The following CIBAR1 variants were observed in gnomAD, a reference collection of about 807,000 sequenced individuals.
CIBAR1 encodes the protein CBY1 interacting BAR domain containing 1, also known as CBY1-interacting BAR domain-containing protein 1.
Under a neutral mutation model 44.0 loss-of-function variants are expected in CIBAR1, and 25 were observed. The ratio of observed to expected loss-of-function variants is 0.57; its 90% CI spans 0.41 to 0.79. The LOEUF (loss-of-function observed/expected upper bound fraction) is 0.79. Ranked by LOEUF, CIBAR1 falls within the 30% of genes least tolerant of loss-of-function variation. The probability of loss-of-function intolerance (pLI) is 0.00; values close to 1 mark genes in which losing one functional copy is unlikely to be tolerated. For synonymous variants in CIBAR1, 115 were observed against 119.0 expected (o/e 0.97, Z 0.22); for missense variants, 278 against 344.8 (o/e 0.81, Z 1.53).
At chr8:93,702,871 A>G (rs1409721409) in intron 2 of CIBAR1, among the ~76,000 whole-genome samples, 1 of 152,098 alleles carries the variant, frequency 6.6e-6, no homozygotes, top group East Asian at 1.9e-4. Context: ...TACATCACCT[A>G]TCTTGAGAAA....
chr8:93,726,600 A>T, intron 8 of CIBAR1, 87 bp downstream of exon 8: 1 of 1,498,576 alleles, frequency 6.7e-7, no homozygotes, highest in South Asian at 1.2e-5. Flanking sequence ...CAGTCATATC[A>T]CCTCGGTAAC....
chr8:93,700,620 C>T lies in CIBAR1; in HGVS notation c.-28C>T. 4 of 1,483,338 alleles carry T rather than the reference C, an allele frequency of 2.7e-6. No homozygotes were observed. The highest frequency in any genetic ancestry group is 3.6e-6 in the Non-Finnish European group (4 of 1,116,674). The allele number at this position is 1,483,338 out of a possible 1,614,324, so 91.9% of individuals were successfully genotyped here. On this transcript the variant is annotated 5_prime_UTR_variant, in exon 1 of 9. Transcript: ENST00000518322. ...TGGAATCCCCGTCCTTGGGCCCCCG[C>T]AAGGTCCCCGGCCGTGCGCGAGGCA... is the stretch of plus-strand genomic sequence containing the variant.
chr8:93,720,912 AAAT>A (rs1374094306), intron 7 of CIBAR1: 3 of 152,170 alleles, frequency 2.0e-5, no homozygotes, highest in African/African-American at 7.2e-5. Flanking sequence ...GTCATTTATA[AAAT>A]AATAAAATAG....
intron 7 of CIBAR1, chr8:93,720,228 C>G (rs1034702296): frequency 1.3e-5 from 2 of 152,100 alleles, no homozygotes; most frequent in Non-Finnish European, 2.9e-5. Context: ...ATAATCCGCC[C>G]GCCTTGGCCT....
At chr8:93,708,585 A>G (rs1459559253) in intron 5 of CIBAR1, among the ~76,000 whole-genome samples, 1 of 152,238 alleles carries the variant, frequency 6.6e-6, no homozygotes, top group Non-Finnish European at 1.5e-5. Flanking sequence ...TAGACTTGCC[A>G]TCTAATTTTA....
Position 93,700,576 on chromosome 8 carries a change from A to G in CIBAR1, c.-72A>G. The G allele has an allele frequency of 7.1e-7, 1 of 1,407,958 alleles. No individual in the cohort carries two copies. The highest frequency in any genetic ancestry group is 9.3e-7 in the Non-Finnish European group (1 of 1,079,950). The allele number at this position is 1,407,958 out of a possible 1,614,324, so 87.2% of individuals were successfully genotyped here. Reference sequence around the variant, plus strand: ...GGCTCCCGGCGGCTGCTTGCGCCCCAGCGCGCGCCCAGGCGCCTTGGAATC... The same window carrying G: ...GGCTCCCGGCGGCTGCTTGCGCCCCGGCGCGCGCCCAGGCGCCTTGGAATC... On this transcript the variant is annotated 5_prime_UTR_variant, in exon 1 of 9. Coordinates refer to ENST00000518322, the MANE Select transcript of CIBAR1 (RefSeq NM_145269.5).
intron 1 of CIBAR1, chr8:93,700,990 C>T (rs530049268): frequency 5.0e-6 from 7 of 1,399,966 alleles, no homozygotes; most frequent in Non-Finnish European, 9.2e-7. Context: ...GAGCAGCCAC[C>T]TCCCCAGTTA....
intron 7 of CIBAR1, 133 bp from the exon 8 acceptor site, chr8:93,726,261 T>C: frequency 1.4e-6 from 1 of 736,770 alleles, no homozygotes; most frequent in Non-Finnish European, 2.1e-6. Flanking sequence ...TCTTTTACAT[T>C]TACAATAATT....
At chr8:93,713,078 G>T (rs1231613833) in intron 6 of CIBAR1, among the ~76,000 whole-genome samples, 1 of 144,376 alleles carries the variant, frequency 6.9e-6, no homozygotes, top group African/African-American at 2.6e-5. Context: ...TGTCGCCCAG[G>T]CTGGAGTGCA....
At chr8:93,714,942 T>C (rs996960158) in intron 6 of CIBAR1, among the ~76,000 whole-genome samples, 2 of 152,240 alleles carry the variant, frequency 1.3e-5, no homozygotes, top group Non-Finnish European at 2.9e-5. Context: ...TTACCTGTTA[T>C]CAGGCTACTG....
intron 5 of CIBAR1, among the ~76,000 whole-genome samples, chr8:93,708,284 A>G (rs1417834086): frequency 6.6e-6 from 1 of 152,138 alleles, no homozygotes; most frequent in African/African-American, 2.4e-5. Flanking sequence ...GTCTTTTTAA[A>G]TTTCTGTGTT....
At chr8:93,719,922 T>C (rs1465683587) in intron 7 of CIBAR1, 1 of 151,730 alleles carries the variant, frequency 6.6e-6, no homozygotes, top group Admixed American at 6.6e-5. Flanking sequence ...ATTAATAAAA[T>C]ATGGAAGTGT....
Position 93,730,365 on chromosome 8 carries a change from G to A in CIBAR1, c.*2068G>A, listed in dbSNP as rs1189611497. The A allele has an allele frequency of 6.6e-6, 1 of 152,096 alleles. No individual in the cohort carries two copies. The highest frequency in any genetic ancestry group is 1.5e-5 in the Non-Finnish European group (1 of 68,028). 9.4% of individuals were successfully genotyped at this position (152,096 alleles called of 1,614,324 possible). ...TGATTTTTACCTATCTCTTGGTTGT[G>A]GGATTGACTTTCTAGACATGATCTA... is the stretch of plus-strand genomic sequence containing the variant. On this transcript the variant is annotated 3_prime_UTR_variant, in exon 9 of 9. Transcript: ENST00000518322.
intron 6 of CIBAR1, among the ~76,000 whole-genome samples, chr8:93,711,104 T>A (rs568190546): frequency 2.0e-5 from 3 of 152,168 alleles, no homozygotes; most frequent in Non-Finnish European, 4.4e-5. Flanking sequence ...CTAACACATA[T>A]GTAGATTTGA....
At chr8:93,716,829 T>G (rs1279741358) in intron 6 of CIBAR1, among the ~76,000 whole-genome samples, 1 of 152,234 alleles carries the variant, frequency 6.6e-6, no homozygotes, top group African/African-American at 2.4e-5. Context: ...GACATGGATA[T>G]ATAACTTTAA....
chr8:93,726,657 G>C (rs1308850679), intron 8 of CIBAR1, 144 bp downstream of exon 8: 1 of 907,218 alleles, frequency 1.1e-6, no homozygotes, highest in Non-Finnish European at 1.7e-6. Context: ...AATGACAGAA[G>C]ATTGCATTAA....
intron 7 of CIBAR1, chr8:93,720,987 T>A (rs1811243280): frequency 6.6e-6 from 1 of 152,246 alleles, no homozygotes; most frequent in Non-Finnish European, 1.5e-5. Flanking sequence ...TATATCATTT[T>A]AATCCTCTCA....
At chr8:93,703,873 G>A (rs879774459) in intron 3 of CIBAR1, among the ~76,000 whole-genome samples, 185 bp downstream of exon 3, 1 of 151,898 alleles carries the variant, frequency 6.6e-6, no homozygotes, top group Non-Finnish European at 1.5e-5. Flanking sequence ...GACCAGCCTG[G>A]CCAACATAGT....
intron 2 of CIBAR1, chr8:93,701,979 G>A (rs1159116045): frequency 9.2e-6 from 2 of 218,166 alleles, no homozygotes; most frequent in East Asian, 1.2e-4. Flanking sequence ...CTGAGACACC[G>A]TGTGGACTTT....
Sources: allele counts gnomAD v4.1 joint callset (sites outside exome capture counted in the v4.1 genomes callset), GRCh38; gene constraint gnomAD v4.1.1; transcripts MANE v1.5; gene names NCBI Gene and HGNC (gene_info 2026-07-23, HGNC 2026-07-21).